Variants in SNX29 observed in about 807,000 individuals in gnomAD.
SNX29 encodes the protein sorting nexin 29, also known as sorting nexin-29.
Under a neutral mutation model 102.1 loss-of-function variants are expected in SNX29, and 78 were observed. That is an observed-to-expected ratio of 0.76 (90% CI 0.64 to 0.92). The LOEUF is 0.92. Among genes scored for constraint, SNX29 ranks in the 40% least tolerant of loss-of-function variants. The probability of loss-of-function intolerance (pLI) is 0.00; values close to 1 mark genes in which losing one functional copy is unlikely to be tolerated. For missense variants in SNX29, 1,280 were observed against 1,061.7 expected, an observed-to-expected ratio of 1.21 and a Z score of -2.86; for synonymous variants, 580 against 414.5, an observed-to-expected ratio of 1.40 and a Z score of -4.85.
At chr16:12,027,276 C>G (rs1407614274) in intron 3 of SNX29, 44 bp from the exon 4 acceptor site, 21 of 1,609,112 alleles carry the variant, frequency 1.3e-5, no homozygotes, top group Non-Finnish European at 1.8e-5. Flanking sequence ...CTAGTTGCTA[C>G]TCCCTTTTCT....
intron 13 of SNX29, among the ~76,000 whole-genome samples, chr16:12,163,334 A>AG (rs2055873550): frequency 6.6e-6 from 1 of 152,096 alleles, no homozygotes; most frequent in African/African-American, 2.4e-5. Context: ...CAGGTGGGTG[A>AG]GGTGGGGTAG....
intron 20 of SNX29, among the ~76,000 whole-genome samples, chr16:12,549,065 GCAT>G (rs1295945152): frequency 6.6e-6 from 1 of 152,228 alleles, no homozygotes; most frequent in African/African-American, 2.4e-5. Flanking sequence ...AGCTGGGCAG[GCAT>G]CATAGTGTTC....
intron 20 of SNX29, among the ~76,000 whole-genome samples, chr16:12,559,070 C>T (rs755833697): frequency 1.8e-4 from 28 of 152,212 alleles, no homozygotes; most frequent in African/African-American, 5.1e-4. Context: ...AGAGGTCTAC[C>T]GCTGTGTCCC....
intron 17 of SNX29, among the ~76,000 whole-genome samples, chr16:12,402,978 T>C (rs2084007901): frequency 6.6e-6 from 1 of 152,102 alleles, no homozygotes; most frequent in Admixed American, 6.6e-5. Flanking sequence ...GGGCTCAGGG[T>C]CAGGGTCTAA....
chr16:12,431,115 G>C (rs766854023), intron 18 of SNX29, among the ~76,000 whole-genome samples: 89 of 152,186 alleles, frequency 5.8e-4, no homozygotes, highest in Admixed American at 7.2e-4. Context: ...GCCTCCCAAA[G>C]TGCTGGGATT....
intron 11 of SNX29, among the ~76,000 whole-genome samples, chr16:12,097,541 G>C (rs2052819866): frequency 2.5e-5 from 2 of 78,920 alleles, no homozygotes; most frequent in South Asian, 7.3e-4. Flanking sequence ...GGCCACACAT[G>C]ATTTTTTTTT....
At chr16:12,068,431 T>C (rs2051136567) in intron 9 of SNX29, among the ~76,000 whole-genome samples, 1 of 142,656 alleles carries the variant, frequency 7.0e-6, no homozygotes, top group Non-Finnish European at 1.5e-5. Flanking sequence ...GAAGCTGCAG[T>C]GAGCCGTGAT....
chr16:12,417,511 C>T (rs1003066171), intron 18 of SNX29, among the ~76,000 whole-genome samples: 4 of 152,112 alleles, frequency 2.6e-5, no homozygotes, highest in South Asian at 4.2e-4. Context: ...CTTTGCTCCC[C>T]GCTTTGCACA....
intron 19 of SNX29, among the ~76,000 whole-genome samples, chr16:12,494,321 T>C (rs975232571): frequency 6.6e-6 from 1 of 152,148 alleles, no homozygotes; most frequent in Admixed American, 6.5e-5. Flanking sequence ...CCCAAAGCAT[T>C]GGTGCACACG....
At chr16:12,310,020 T>C (rs2151130721) in intron 15 of SNX29, among the ~76,000 whole-genome samples, 1 of 139,390 alleles carries the variant, frequency 7.2e-6, no homozygotes, top group Admixed American at 7.3e-5. Context: ...GCACGCACGC[T>C]TGCACACATG....
At chr16:11,981,299 T>G (rs1355076313) in intron 1 of SNX29, among the ~76,000 whole-genome samples, 1 of 151,998 alleles carries the variant, frequency 6.6e-6, no homozygotes, top group Non-Finnish European at 1.5e-5. Flanking sequence ...TTGATGGGGT[T>G]TTACCATGCT....
intron 11 of SNX29, among the ~76,000 whole-genome samples, chr16:12,079,782 G>A (rs529534726): frequency 2.6e-4 from 39 of 152,290 alleles, no homozygotes; most frequent in Non-Finnish European, 5.0e-4. Flanking sequence ...GACTCCTCCT[G>A]TCTTGCCTTG....
At chr16:12,093,975 A>T (rs1007627919) in intron 11 of SNX29, 2 of 152,190 alleles carry the variant, frequency 1.3e-5, no homozygotes, top group Non-Finnish European at 2.9e-5. Flanking sequence ...AACACTGGCA[A>T]TCGTGGTATC....
chr16:12,434,149 C>G (rs1386653475), intron 18 of SNX29, among the ~76,000 whole-genome samples: 1 of 152,224 alleles, frequency 6.6e-6, no homozygotes, highest in Non-Finnish European at 1.5e-5. Flanking sequence ...TTGAAACATG[C>G]TTCTGCCTGG....
intron 19 of SNX29, among the ~76,000 whole-genome samples, chr16:12,481,681 CCCA>C (rs944696980): frequency 1.3e-4 from 20 of 152,022 alleles, no homozygotes; most frequent in African/African-American, 4.8e-4. Context: ...ACTATAGGCA[CCCA>C]CCACCACACT....
intron 18 of SNX29, among the ~76,000 whole-genome samples, chr16:12,476,911 G>A (rs1463770227): frequency 6.6e-6 from 1 of 152,150 alleles, no homozygotes; most frequent in Non-Finnish European, 1.5e-5. Context: ...CACTCATGGA[G>A]TGTAAATTAC....
Position 12,571,556 on chromosome 16 carries a change from C to A in SNX29, c.*2927C>A. 2.0e-6 allele frequency: 2 copies of A among 988,946 alleles called. No individual in the cohort carries two copies. The highest frequency in any genetic ancestry group is 2.5e-6 in the Non-Finnish European group (2 of 810,238). 61.3% of individuals were successfully genotyped at this position (988,946 alleles called of 1,614,324 possible). A position where few individuals can be genotyped will look rare whatever the true frequency, so the allele number is the denominator to read the frequency against. On this transcript the variant is annotated 3_prime_UTR_variant, in exon 21 of 21. Transcript: ENST00000566228. Reference sequence around the variant, plus strand: ...ACCCTTTGCTGGGAGGAAGAATCCACACCGAATCCTTCTGTCTTCATGGCC... The same window carrying A: ...ACCCTTTGCTGGGAGGAAGAATCCAAACCGAATCCTTCTGTCTTCATGGCC...
intron 11 of SNX29, among the ~76,000 whole-genome samples, chr16:12,123,603 G>A (rs1206914845): frequency 1.3e-5 from 2 of 152,114 alleles, no homozygotes; most frequent in African/African-American, 4.8e-5. Context: ...AGGCAGCAGT[G>A]GCCCTCCTGC....
At chr16:12,412,396 T>A (rs766613815) in intron 18 of SNX29, among the ~76,000 whole-genome samples, 1 of 152,208 alleles carries the variant, frequency 6.6e-6, no homozygotes, top group Non-Finnish European at 1.5e-5. Flanking sequence ...TGAACCTGTT[T>A]CCATAACATG....
Sources: allele counts gnomAD v4.1 joint callset (sites outside exome capture counted in the v4.1 genomes callset), GRCh38; gene constraint gnomAD v4.1.1; transcripts MANE v1.5; gene names NCBI Gene and HGNC (gene_info 2026-07-23, HGNC 2026-07-21).